Variants in TENM2 observed in about 807,000 individuals in gnomAD.
The protein encoded by TENM2 is teneurin-2.
Under a neutral mutation model 245.2 loss-of-function variants are expected in TENM2, and 52 were observed. The observed-to-expected ratio is 0.21, with a 90% CI of 0.17 to 0.27. TENM2 has a LOEUF of 0.27. Among genes scored for constraint, TENM2 ranks in the 10% least tolerant of loss-of-function variants. The probability of loss-of-function intolerance (pLI) is 1.00; values close to 1 mark genes in which losing one functional copy is unlikely to be tolerated. For synonymous variants in TENM2, 1,363 were observed against 1,438.9 expected (o/e 0.95, Z 1.19); for missense variants, 3,046 against 3,666.8 (o/e 0.83, Z 4.37).
chr5:167,195,239 G>C, the TENM2 span, among the ~76,000 whole-genome samples: 2 of 152,016 alleles, frequency 1.3e-5, no homozygotes, highest in Non-Finnish European at 2.9e-5. Context: ...GGGGGGTTTA[G>C]TGTCCTATCT....
the TENM2 span, among the ~76,000 whole-genome samples, chr5:167,176,169 C>G: frequency 6.6e-6 from 1 of 152,206 alleles, no homozygotes; most frequent in Non-Finnish European, 1.5e-5. Context: ...CCTATTCTTT[C>G]AAGCTGATCT....
chr5:167,446,793 G>GCGCA (rs1765242245), intron 2 of TENM2, among the ~76,000 whole-genome samples: 1 of 143,914 alleles, frequency 6.9e-6, no homozygotes, highest in African/African-American at 2.6e-5. Context: ...TTTGAAACAC[G>GCGCA]CACACACACA....
chr5:167,463,190 TTCTG>T (rs1410713560), intron 2 of TENM2, among the ~76,000 whole-genome samples: 2 of 152,160 alleles, frequency 1.3e-5, no homozygotes, highest in Non-Finnish European at 2.9e-5. Context: ...TGAACAATAA[TTCTG>T]TCTTTTTCAG....
the TENM2 span, among the ~76,000 whole-genome samples, chr5:167,115,444 G>A: frequency 2.0e-5 from 3 of 152,234 alleles, no homozygotes; most frequent in East Asian, 1.9e-4. Context: ...GGGCACCCAC[G>A]GTCCCTCAGG....
chr5:167,823,738 G>A (rs1323949248), intron 2 of TENM2, among the ~76,000 whole-genome samples: 1 of 152,118 alleles, frequency 6.6e-6, no homozygotes, highest in East Asian at 1.9e-4. Flanking sequence ...TGTGGAGCAA[G>A]TCACTTTTTT....
chr5:167,311,216 A>G (rs774721901), intron 1 of TENM2, among the ~76,000 whole-genome samples: 10 of 152,192 alleles, frequency 6.6e-5, no homozygotes, highest in Non-Finnish European at 1.3e-4. Context: ...AGAGTCTTTT[A>G]AATTACTTTG....
At chr5:167,515,136 TATG>T (rs1770237275) in intron 2 of TENM2, among the ~76,000 whole-genome samples, 1 of 152,200 alleles carries the variant, frequency 6.6e-6, no homozygotes, top group Non-Finnish European at 1.5e-5. Context: ...CTCCTGTCCA[TATG>T]ATACACAGTT....
the TENM2 span, among the ~76,000 whole-genome samples, chr5:167,194,177 A>G: frequency 1.1e-4 from 17 of 152,090 alleles, no homozygotes; most frequent in Non-Finnish European, 1.8e-4. Context: ...AGTCTGGCAC[A>G]GGATGCCAAT....
chr5:168,086,784 C>T (rs978806905), intron 7 of TENM2, among the ~76,000 whole-genome samples: 2 of 152,196 alleles, frequency 1.3e-5, no homozygotes, highest in Non-Finnish European at 2.9e-5. Context: ...ACAGAGGAGC[C>T]AGATGTCCCC....
chr5:167,666,352 G>T (rs979260378), intron 2 of TENM2, among the ~76,000 whole-genome samples: 9 of 152,250 alleles, frequency 5.9e-5, no homozygotes, highest in Admixed American at 2.6e-4. Context: ...CAAACGAAGT[G>T]CACTCATGTT....
At chr5:167,198,221 G>A in the TENM2 span, among the ~76,000 whole-genome samples, 2 of 152,068 alleles carry the variant, frequency 1.3e-5, no homozygotes, top group Non-Finnish European at 1.5e-5. Context: ...AAAATAGGTT[G>A]TAGAGATCCA....
At chr5:168,112,127 A>T (rs1401210018) in intron 9 of TENM2, among the ~76,000 whole-genome samples, 1 of 152,190 alleles carries the variant, frequency 6.6e-6, no homozygotes, top group Non-Finnish European at 1.5e-5. Flanking sequence ...TTTATGTCTT[A>T]CATATCTCCC....
At chr5:167,551,651 TA>T (rs1772955085) in intron 2 of TENM2, among the ~76,000 whole-genome samples, 1 of 152,060 alleles carries the variant, frequency 6.6e-6, no homozygotes, top group Admixed American at 6.6e-5. Flanking sequence ...AATAAACCCA[TA>T]AAATATAAGT....
the TENM2 span, among the ~76,000 whole-genome samples, chr5:167,104,342 G>A: frequency 6.6e-6 from 1 of 152,134 alleles, no homozygotes; most frequent in Admixed American, 6.5e-5. Context: ...AATTTGTTAA[G>A]CACTTGTTTT....
the TENM2 span, among the ~76,000 whole-genome samples, chr5:167,247,767 T>C: frequency 6.6e-6 from 1 of 152,192 alleles, no homozygotes; most frequent in Non-Finnish European, 1.5e-5. Context: ...CTAGCTTTTT[T>C]AATATGAAAT....
intron 2 of TENM2, among the ~76,000 whole-genome samples, chr5:167,752,558 T>C (rs559923610): frequency 2.6e-5 from 4 of 152,064 alleles, no homozygotes; most frequent in Non-Finnish European, 5.9e-5. Flanking sequence ...CTACCAAGCT[T>C]TACTGATGGA....
the TENM2 span, among the ~76,000 whole-genome samples, chr5:167,254,655 G>A: frequency 6.6e-6 from 1 of 152,106 alleles, no homozygotes; most frequent in Non-Finnish European, 1.5e-5. Flanking sequence ...CTATAAATGA[G>A]ATTATTACGG....
chr5:167,796,115 G>A (rs1029619421), intron 2 of TENM2, among the ~76,000 whole-genome samples: 1 of 152,132 alleles, frequency 6.6e-6, no homozygotes, highest in African/African-American at 2.4e-5. Flanking sequence ...TTACAAAGGG[G>A]TTGGTTTTGT....
chr5:167,743,393 A>G (rs1008835345), intron 2 of TENM2, among the ~76,000 whole-genome samples: 1 of 152,236 alleles, frequency 6.6e-6, no homozygotes. Context: ...AAAGACAAAA[A>G]GAGACATCAT....
Sources: allele counts gnomAD v4.1 joint callset (sites outside exome capture counted in the v4.1 genomes callset), GRCh38; gene constraint gnomAD v4.1.1; transcripts MANE v1.5; gene names NCBI Gene and HGNC (gene_info 2026-07-23, HGNC 2026-07-21).